Variants in HECW1 observed in about 807,000 individuals in gnomAD.
HECW1 encodes the protein E3 ubiquitin-protein ligase HECW1.
HECW1 carries 61 observed loss-of-function variants against 182.3 expected under a neutral mutation model. That is an observed-to-expected ratio of 0.33 (90% CI 0.27 to 0.41). The LOEUF is 0.41. HECW1 is among the 10% of genes least tolerant of loss of function. HECW1 has a pLI of 1.00. For synonymous variants in HECW1, 859 were observed against 832.6 expected (o/e 1.03, Z -0.55); for missense variants, 1,739 against 2,108.9 (o/e 0.82, Z 3.44).
intron 3 of HECW1, among the ~76,000 whole-genome samples, chr7:43,300,848 C>T (rs1806669194): frequency 6.6e-6 from 1 of 152,174 alleles, no homozygotes; most frequent in African/African-American, 2.4e-5. Context: ...GTACGATGAC[C>T]TCCCACACTG....
intron 7 of HECW1, among the ~76,000 whole-genome samples, chr7:43,400,191 G>A (rs2075360694): frequency 6.6e-6 from 1 of 152,146 alleles, no homozygotes; most frequent in Non-Finnish European, 1.5e-5. Context: ...AGCTCTAACT[G>A]TGCAACTGTA....
At chr7:43,402,388 G>A (rs1191027196) in intron 7 of HECW1, among the ~76,000 whole-genome samples, 1 of 152,112 alleles carries the variant, frequency 6.6e-6, no homozygotes, top group Non-Finnish European at 1.5e-5. Context: ...TCCCATAAGA[G>A]GTTTGAGCAT....
intron 5 of HECW1, among the ~76,000 whole-genome samples, chr7:43,346,983 C>A (rs896984943): frequency 5.3e-5 from 8 of 152,098 alleles, no homozygotes; most frequent in African/African-American, 1.9e-4. Flanking sequence ...GGGCTCTTTT[C>A]TGGTTCCATA....
chr7:43,466,762 G>A (rs908254046), intron 15 of HECW1, among the ~76,000 whole-genome samples, 194 bp downstream of exon 15: 8 of 152,184 alleles, frequency 5.3e-5, no homozygotes, highest in Non-Finnish European at 1.0e-4. Context: ...TGGAAATGCT[G>A]TTGCCTCTTT....
rs367856687 is a variant in HECW1, at chr7:43,420,595, C to T, written c.801+12864C>T. Among the ~76,000 whole-genome samples the T allele has an allele frequency of 8.5e-5, 13 of 152,140 alleles. No homozygotes were observed. In the South Asian group the frequency reaches 2.5e-3, roughly 29 times the overall value. Reference sequence around the variant, plus strand: ...ACAGTACAAAACATTACCCAAACTACCCAAATTAGTGAATTTAGCAAAGTA... The same window carrying T: ...ACAGTACAAAACATTACCCAAACTATCCAAATTAGTGAATTTAGCAAAGTA... On this transcript the variant is annotated intron_variant, in intron 8 of 29. Transcript: ENST00000395891.
chr7:43,497,703 T>A (rs754913844), intron 19 of HECW1, among the ~76,000 whole-genome samples: 13 of 152,086 alleles, frequency 8.5e-5, no homozygotes, highest in Non-Finnish European at 1.5e-4. Flanking sequence ...GGGGTGATAC[T>A]GTGGATGCAA....
chr7:43,266,389 G>GC lies in HECW1; in HGVS notation c.27+22458dup, dbSNP rs1584250342. Among the ~76,000 whole-genome samples the GC allele has an allele frequency of 2.0e-5, 3 of 152,324 alleles. No homozygotes were observed. The East Asian group carries it at 5.8e-4, about 29-fold the overall frequency. ...CTCACTCTGTCACTCAGGCTGGAGT[G>GC]CAGTGGTGCGATCTTGGCTCACTGC... On this transcript the variant is annotated intron_variant, in intron 3 of 29. Coordinates refer to ENST00000395891, the MANE Select transcript of HECW1 (RefSeq NM_015052.5).
At chr7:43,233,540 G>T (rs1798059116) in intron 2 of HECW1, among the ~76,000 whole-genome samples, 1 of 152,162 alleles carries the variant, frequency 6.6e-6, no homozygotes, top group Non-Finnish European at 1.5e-5. Context: ...TTTCCTGGAT[G>T]CCTCTCCTTC....
chr7:43,197,105 TG>T (rs1240234381), intron 2 of HECW1, among the ~76,000 whole-genome samples: 1 of 152,156 alleles, frequency 6.6e-6, no homozygotes, highest in Non-Finnish European at 1.5e-5. Context: ...CCCCCATCCC[TG>T]GTCCCAGTGC....
At chr7:43,133,611 TTCTC>T (rs893546813) in intron 2 of HECW1, among the ~76,000 whole-genome samples, 2 of 151,960 alleles carry the variant, frequency 1.3e-5, no homozygotes, top group African/African-American at 2.4e-5. Context: ...CATTTTATAT[TTCTC>T]TCTTTCTTTC....
In HECW1 at chr7:43,170,619, A is replaced by AG. The variant is rs1450944615; in HGVS notation, c.-32+56232dup. On this transcript the variant is annotated intron_variant, in intron 2 of 29. Coordinates refer to ENST00000395891, the MANE Select transcript of HECW1 (RefSeq NM_015052.5). Reference sequence around the variant, plus strand: ...AGGGTGGCTGGAAAATAGAGGTAGCAGGGGTTGCATTTGAAAGGGCCTTGT... The same window carrying AG: ...AGGGTGGCTGGAAAATAGAGGTAGCAGGGGGTTGCATTTGAAAGGGCCTTGT... Among the ~76,000 whole-genome samples, 5 of 152,182 alleles carry AG rather than the reference A, an allele frequency of 3.3e-5. No homozygotes were observed. In the East Asian group the frequency reaches 9.6e-4, roughly 29 times the overall value.
chr7:43,469,156 G>A, intron 16 of HECW1, 51 bp downstream of exon 16: 1 of 1,572,250 alleles, frequency 6.4e-7, no homozygotes, highest in Non-Finnish European at 8.7e-7. Context: ...CCTTCCCCAG[G>A]GTGAAGCTAG....
At chr7:43,477,287 T>C (rs1378152360) in intron 16 of HECW1, among the ~76,000 whole-genome samples, 1 of 152,194 alleles carries the variant, frequency 6.6e-6, no homozygotes, top group African/African-American at 2.4e-5. Flanking sequence ...ATAAATATTT[T>C]TCTAACTTTA....
At chr7:43,140,305 A>T (rs536984118) in intron 2 of HECW1, among the ~76,000 whole-genome samples, 1 of 152,186 alleles carries the variant, frequency 6.6e-6, no homozygotes, top group Non-Finnish European at 1.5e-5. Flanking sequence ...AAGTTAGTGG[A>T]CTCACAGGAC....
At chr7:43,314,322 C>G (rs757465476) in intron 4 of HECW1, among the ~76,000 whole-genome samples, 1 of 152,136 alleles carries the variant, frequency 6.6e-6, no homozygotes, top group East Asian at 1.9e-4. Flanking sequence ...ACCAGGGATC[C>G]GAGCTAGGGT....
At chr7:43,253,924 CAG>C (rs1800298556) in intron 3 of HECW1, among the ~76,000 whole-genome samples, 1 of 151,900 alleles carries the variant, frequency 6.6e-6, no homozygotes, top group Non-Finnish European at 1.5e-5. Flanking sequence ...AAAAAAAAGA[CAG>C]ATATGCAGAG....
Position 43,277,127 on chromosome 7 carries a change from G to A in HECW1, c.27+33195G>A, listed in dbSNP as rs534133694. 3.3e-5 allele frequency among the ~76,000 whole-genome samples: 5 copies of A among 152,218 alleles called. No homozygotes were observed. In the South Asian group the frequency reaches 6.2e-4, roughly 19 times the overall value. On this transcript the variant is annotated intron_variant, in intron 3 of 29. Transcript: ENST00000395891. Reference sequence around the variant, plus strand: ...AACAGATTTTATAATATATGTGAAAGAGAAATCAGTTCATTCATTAGGTAA... The same window carrying A: ...AACAGATTTTATAATATATGTGAAAAAGAAATCAGTTCATTCATTAGGTAA...
chr7:43,203,127 C>T (rs558245417), intron 2 of HECW1, among the ~76,000 whole-genome samples: 1 of 152,306 alleles, frequency 6.6e-6, no homozygotes, highest in African/African-American at 2.4e-5. Flanking sequence ...CCTCGACTTC[C>T]CAAAGTGCCG....
Position 43,488,488 on chromosome 7 carries a change from G to GAAAGAAAGAAAGAA in HECW1, c.3235-3586_3235-3585insAAGAAAGAAAGAAA, listed in dbSNP as rs767310220. On this transcript the variant is annotated intron_variant, in intron 17 of 29. Transcript: ENST00000395891. ...AGAAAGAAAGAAAGAAAGAAAGAAAGAGAAAGAAAGAAAGAAAAGAAAAGA... is the reference window on the plus strand; with the variant it reads ...AGAAAGAAAGAAAGAAAGAAAGAAAGAAAGAAAGAAAGAAAGAAAGAAAGAAAGAAAAGAAAAGA... 2.1e-4 allele frequency among the ~76,000 whole-genome samples: 24 copies of GAAAGAAAGAAAGAA among 112,616 alleles called. 1 individual carries two copies. The highest frequency in any genetic ancestry group is 5.7e-5 in the Non-Finnish European group (3 of 52,724). The allele number at this position is 112,616 out of a possible 152,430, so 73.9% of individuals were successfully genotyped here. A position where few individuals can be genotyped will look rare whatever the true frequency, so the allele number is the denominator to read the frequency against.
Sources: allele counts gnomAD v4.1 joint callset (sites outside exome capture counted in the v4.1 genomes callset), GRCh38; gene constraint gnomAD v4.1.1; transcripts MANE v1.5; gene names NCBI Gene and HGNC (gene_info 2026-07-23, HGNC 2026-07-21).